Variants in RNFT2 observed in about 807,000 individuals in gnomAD.
RNFT2 encodes ring finger protein, transmembrane 2.
In RNFT2, 36 loss-of-function variants were observed where a neutral mutation model predicts 53.0. That is an observed-to-expected ratio of 0.68 (90% CI 0.52 to 0.90). RNFT2 has a LOEUF of 0.90. RNFT2 is among the 40% of genes least tolerant of loss of function. The probability of loss-of-function intolerance (pLI) is 0.00; values close to 1 mark genes in which losing one functional copy is unlikely to be tolerated. For missense variants in RNFT2, 514 were observed against 585.6 expected (o/e 0.88, Z 1.26); for synonymous variants, 260 against 253.2 (o/e 1.03, Z -0.26).
intron 3 of RNFT2, among the ~76,000 whole-genome samples, chr12:116,745,434 C>T (rs1871852308): frequency 1.3e-5 from 2 of 152,068 alleles, no homozygotes; most frequent in African/African-American, 4.8e-5. Flanking sequence ...CTCAGCCTCC[C>T]GAAGTGCTGG....
chr12:116,771,266 C>G (rs1040234815), intron 6 of RNFT2, among the ~76,000 whole-genome samples: 3 of 151,622 alleles, frequency 2.0e-5, no homozygotes, highest in Non-Finnish European at 2.9e-5. Flanking sequence ...TCGAGACCAT[C>G]CTGGGCAACA....
At position 116,743,346 on chromosome 12, in the gene RNFT2, A is replaced by C. The variant is rs560967227; in HGVS notation, c.83+2252A>C. Among the ~76,000 whole-genome samples the C allele has an allele frequency of 4.0e-5, 6 of 150,622 alleles. No individual in the cohort carries two copies. In the South Asian group the frequency reaches 1.1e-3, roughly 26 times the overall value. The stretch of plus-strand genomic sequence containing the variant: ...CAGTAGTACAATCTCAGCTCACTAC[A>C]ACTTCCGCCTCCTGGGTTCAAGCTA... On this transcript the variant is annotated intron_variant, in intron 3 of 10. Transcript: ENST00000257575.
chr12:116,827,070 A>G (rs1184321356), intron 7 of RNFT2, among the ~76,000 whole-genome samples: 1 of 151,998 alleles, frequency 6.6e-6, no homozygotes, highest in Admixed American at 6.5e-5. Flanking sequence ...AATACAAAAA[A>G]TTAGCTGGGT....
intron 7 of RNFT2, among the ~76,000 whole-genome samples, chr12:116,819,278 C>T (rs1362464878): frequency 2.0e-5 from 3 of 152,212 alleles, no homozygotes; most frequent in Non-Finnish European, 4.4e-5. Flanking sequence ...GGCAGCTTTG[C>T]CCTTCGCAAA....
At chr12:116,841,922 AAT>A (rs1180739124) in intron 10 of RNFT2, among the ~76,000 whole-genome samples, 568 of 35,578 alleles carry the variant, frequency 0.016, 21 homozygotes, top group Middle Eastern at 0.027. Context: ...TATATATAAA[AAT>A]ATATATATAT....
chr12:116,836,368 C>A, intron 10 of RNFT2, 86 bp downstream of exon 10: 2 of 1,142,390 alleles, frequency 1.8e-6, no homozygotes, highest in South Asian at 1.3e-5. Context: ...GGGTCTCTGG[C>A]ATGGGTCTCT....
At chr12:116,842,003 A>G (rs1877367324) in intron 10 of RNFT2, among the ~76,000 whole-genome samples, 1 of 143,232 alleles carries the variant, frequency 7.0e-6, no homozygotes, top group Non-Finnish European at 1.5e-5. Flanking sequence ...TCCAGGTACA[A>G]CTTAGCTGTG....
chr12:116,800,646 T>A (rs1461061876), intron 7 of RNFT2, among the ~76,000 whole-genome samples: 4 of 128,052 alleles, frequency 3.1e-5, no homozygotes, highest in African/African-American at 1.2e-4. Flanking sequence ...AAAAAAAAAA[T>A]GGTTTAAAAA....
At chr12:116,829,659 A>G (rs1358781049) in intron 7 of RNFT2, among the ~76,000 whole-genome samples, 5 of 152,164 alleles carry the variant, frequency 3.3e-5, no homozygotes, top group Non-Finnish European at 7.3e-5. Flanking sequence ...ATACGATGTA[A>G]TCTTGGCTCA....
chr12:116,756,722 C>T (rs4767446), intron 5 of RNFT2, among the ~76,000 whole-genome samples: 136,998 of 152,154 alleles, frequency 0.9, 62,111 homozygotes, highest in Non-Finnish European at 0.95. Context: ...TTGTTGGATT[C>T]GGTTAGCAAG....
intron 10 of RNFT2, among the ~76,000 whole-genome samples, chr12:116,844,160 C>T (rs951882239): frequency 2.6e-5 from 4 of 151,982 alleles, no homozygotes; most frequent in Admixed American, 6.6e-5. Flanking sequence ...GAGGCTGCAT[C>T]GCCTGCGAGG....
intron 4 of RNFT2, 114 bp downstream of exon 4, chr12:116,750,421 A>C: frequency 1.0e-6 from 1 of 987,400 alleles, no homozygotes; most frequent in East Asian, 2.6e-5. Context: ...AGAGACCAAC[A>C]TGGGCTTCAG....
intron 7 of RNFT2, among the ~76,000 whole-genome samples, chr12:116,796,413 A>G (rs1048941549): frequency 6.6e-6 from 1 of 152,184 alleles, no homozygotes; most frequent in Non-Finnish European, 1.5e-5. Context: ...ATCCTGAATC[A>G]TCTTAACTAA....
At chr12:116,745,750 C>G (rs1326750754) in intron 3 of RNFT2, among the ~76,000 whole-genome samples, 2 of 152,184 alleles carry the variant, frequency 1.3e-5, no homozygotes, top group Non-Finnish European at 2.9e-5. Flanking sequence ...CACTTGCAGG[C>G]CTTCTCAGAG....
At chr12:116,790,956 G>A (rs893846766) in intron 7 of RNFT2, among the ~76,000 whole-genome samples, 1 of 152,168 alleles carries the variant, frequency 6.6e-6, no homozygotes, top group Admixed American at 6.5e-5. Context: ...GGGAGACCCT[G>A]TCTGAAAAAA....
rs149500747 is a variant in RNFT2 at position 116,847,325 on chromosome 12, C to A, written c.1201-1989C>A. 4.1e-3 allele frequency among the ~76,000 whole-genome samples: 621 copies of A among 152,198 alleles called. 2 individuals are homozygous for A. Among genetic ancestry groups the A allele is most frequent in the African/African-American group, 0.013 (549 of 41,514 alleles). ...GGCATTTTTTTTGCCACCCCTGGGA[C>A]CAATCAAGACTCATGTGCTGCATTT... On this transcript the variant is annotated intron_variant, in intron 10 of 10. Transcript: ENST00000257575.
At chr12:116,819,780 G>A (rs931852808) in intron 7 of RNFT2, among the ~76,000 whole-genome samples, 1 of 152,114 alleles carries the variant, frequency 6.6e-6, no homozygotes, top group African/African-American at 2.4e-5. Flanking sequence ...ACTGTGGAGT[G>A]CCCTAATTAT....
chr12:116,799,594 C>T (rs1034116712), intron 7 of RNFT2, among the ~76,000 whole-genome samples: 2 of 151,754 alleles, frequency 1.3e-5, no homozygotes, highest in African/African-American at 4.8e-5. Context: ...TTTTTAACAG[C>T]GGTTGTGTGT....
rs971941575 is a variant in RNFT2, at chr12:116,749,286, C to T, written c.84-555C>T. Among the ~76,000 whole-genome samples the T allele has an allele frequency of 2.8e-4, 11 of 39,624 alleles. 1 individual carries two copies. The highest frequency in any genetic ancestry group is 1.0e-3 in the South Asian group (1 of 1,004). 26.0% of individuals were successfully genotyped at this position (39,624 alleles called of 152,430 possible). A position where few individuals can be genotyped will look rare whatever the true frequency, so the allele number is the denominator to read the frequency against. On this transcript the variant is annotated intron_variant, in intron 3 of 10. Transcript: ENST00000257575. ...TCCTAATCTCTTCCTCTTTCCCCCC[C>T]CACCACCCCTTTTGAGACAGGCTCT...
Sources: allele counts gnomAD v4.1 joint callset (sites outside exome capture counted in the v4.1 genomes callset), GRCh38; gene constraint gnomAD v4.1.1; transcripts MANE v1.5; gene names NCBI Gene and HGNC (gene_info 2026-07-23, HGNC 2026-07-21).